The following COL5A2 variants were observed in gnomAD, a reference collection of about 807,000 sequenced individuals.
The protein encoded by COL5A2 is collagen type V alpha 2 chain.
A neutral mutation model predicts 208.2 loss-of-function variants in COL5A2; 23 were observed. The observed-to-expected ratio is 0.11, with a 90% CI of 0.08 to 0.16. COL5A2 has a LOEUF of 0.16. Ranked by LOEUF, COL5A2 falls within the 10% of genes least tolerant of loss-of-function variation. The probability of loss-of-function intolerance (pLI) is 1.00; values close to 1 mark genes in which losing one functional copy is unlikely to be tolerated. For synonymous variants in COL5A2, 625 were observed against 628.5 expected (o/e 0.99, Z 0.08); for missense variants, 1,590 against 1,956.4 (o/e 0.81, Z 3.53).
intron 7 of COL5A2, 127 bp from the exon 8 acceptor site, chr2:189,088,899 C>G (rs1181219831): frequency 2.5e-6 from 2 of 813,834 alleles, no homozygotes; most frequent in East Asian, 2.6e-5. Flanking sequence ...ATTCTAAGTG[C>G]TTGACTTTAA....
the COL5A2 span, among the ~76,000 whole-genome samples, chr2:189,427,658 C>T: frequency 6.6e-6 from 1 of 152,248 alleles, no homozygotes; most frequent in Non-Finnish European, 1.5e-5. Context: ...AGGGACAGAG[C>T]TTCCCAAGGC....
chr2:189,423,783 C>T, the COL5A2 span, among the ~76,000 whole-genome samples: 1 of 152,026 alleles, frequency 6.6e-6, no homozygotes. Flanking sequence ...TTCTACCAAA[C>T]CTTTAAAGGA....
the COL5A2 span, among the ~76,000 whole-genome samples, chr2:189,263,658 T>G: frequency 6.6e-6 from 1 of 152,172 alleles, no homozygotes; most frequent in African/African-American, 2.4e-5. Context: ...ACATGCCCAA[T>G]ACAGGTGTAC....
the COL5A2 span, among the ~76,000 whole-genome samples, chr2:189,277,821 G>A: frequency 1.4e-4 from 22 of 152,216 alleles, no homozygotes; most frequent in African/African-American, 4.8e-4. Flanking sequence ...GGGCAAAACA[G>A]TGATGATCTG....
chr2:189,086,629 A>C (rs1184178244), intron 9 of COL5A2, 97 bp downstream of exon 9: 1 of 954,974 alleles, frequency 1.0e-6, no homozygotes, highest in African/African-American at 1.6e-5. Flanking sequence ...AAAATTTTAA[A>C]ACCAGCCAAA....
intron 18 of COL5A2, among the ~76,000 whole-genome samples, chr2:189,069,323 T>G (rs866083259): frequency 6.6e-6 from 1 of 152,242 alleles, no homozygotes; most frequent in African/African-American, 2.4e-5. Flanking sequence ...TAAGATAGTC[T>G]TAAATATCTT....
At chr2:189,258,881 G>A in the COL5A2 span, among the ~76,000 whole-genome samples, 1 of 152,058 alleles carries the variant, frequency 6.6e-6, no homozygotes, top group African/African-American at 2.4e-5. Flanking sequence ...CAGGCACCCA[G>A]GAGAAACAGG....
intron 31 of COL5A2, among the ~76,000 whole-genome samples, chr2:189,060,457 T>C (rs1686003637): frequency 6.6e-6 from 1 of 152,196 alleles, no homozygotes; most frequent in Non-Finnish European, 1.5e-5. Context: ...CATAACTGTT[T>C]ATATAAAGTG....
chr2:189,052,112 T>C lies in COL5A2; in HGVS notation c.2769+60A>G. Reference sequence around the variant, plus strand: ...AATAAAATAATAAATTTAACTCAAATGTATACGTGTGTGTGTAATTATTTC... The same window carrying C: ...AATAAAATAATAAATTTAACTCAAACGTATACGTGTGTGTGTAATTATTTC... On this transcript the variant is annotated intron_variant, in intron 41 of 53. Transcript: ENST00000374866. The C allele has an allele frequency of 5.2e-6, 7 of 1,338,814 alleles. No individual in the cohort carries two copies. In the South Asian group the frequency reaches 5.2e-5, roughly 10 times the overall value. The allele number at this position is 1,338,814 out of a possible 1,614,324, so 82.9% of individuals were successfully genotyped here.
chr2:189,390,483 A>T, the COL5A2 span, among the ~76,000 whole-genome samples: 7 of 152,228 alleles, frequency 4.6e-5, no homozygotes, highest in African/African-American at 1.7e-4. Context: ...ACAGAAGACA[A>T]GTGAATATCA....
Position 189,128,518 on chromosome 2 carries a change from ATTTTC to A in COL5A2, c.98-18074_98-18070del, listed in dbSNP as rs1576544698. On this transcript the variant is annotated intron_variant, in intron 1 of 53. Coordinates refer to ENST00000374866, the MANE Select transcript of COL5A2 (RefSeq NM_000393.5). Reference sequence around the variant, plus strand: ...TTTTTTCTTTTTAATTTCAGCCTTGATTTTCTTTTAAGTTGGTGCTCCTCAAACCT... The same window carrying A: ...TTTTTTCTTTTTAATTTCAGCCTTGATTTTAAGTTGGTGCTCCTCAAACCT... Among the ~76,000 whole-genome samples, 5 of 151,744 alleles carry A rather than the reference ATTTTC, an allele frequency of 3.3e-5. No individual in the cohort carries two copies. In the East Asian group the frequency reaches 7.7e-4, roughly 23 times the overall value.
At chr2:189,417,439 C>CTT in the COL5A2 span, among the ~76,000 whole-genome samples, 1,171 of 150,246 alleles carry the variant, frequency 7.8e-3, 15 homozygotes, top group African/African-American at 0.026. Context: ...CCTTACTATT[C>CTT]TTTTTTTTTC....
chr2:189,142,093 T>C (rs1687945184), intron 1 of COL5A2, among the ~76,000 whole-genome samples: 1 of 152,128 alleles, frequency 6.6e-6, no homozygotes, highest in Admixed American at 6.5e-5. Flanking sequence ...TAAGTTATCA[T>C]TGGAATGGAT....
chr2:189,303,246 A>C, the COL5A2 span, among the ~76,000 whole-genome samples: 1 of 152,320 alleles, frequency 6.6e-6, no homozygotes, highest in East Asian at 1.9e-4. Flanking sequence ...TCACGCATGC[A>C]TGGAAATCCT....
the COL5A2 span, among the ~76,000 whole-genome samples, chr2:189,253,086 G>T: frequency 6.6e-6 from 1 of 152,224 alleles, no homozygotes; most frequent in African/African-American, 2.4e-5. Flanking sequence ...GAGATGTCTG[G>T]TGGCATGAGA....
chr2:189,064,004 A>T lies in COL5A2; in HGVS notation c.1746T>A (p.Gly582=), dbSNP rs1472834896. ...CCAAAGGTCCAAGTTTTCCTTCAGGACCTTGAACACCAGGATTTCCTGTCA... is the reference window on the plus strand; with the variant it reads ...CCAAAGGTCCAAGTTTTCCTTCAGGTCCTTGAACACCAGGATTTCCTGTCA... ...RGLTGNPGVQ[G]PEGKLGPLGA... The change falls in exon 26 of 54, where the codon GGT becomes GGA. Residue 582 remains glycine (G), a synonymous_variant. Transcript: ENST00000374866. The T allele has an allele frequency of 1.2e-6, 2 of 1,613,368 alleles. No homozygotes were observed. Among genetic ancestry groups the T allele is most frequent in the Non-Finnish European group, 1.7e-6 (2 of 1,179,676 alleles).
chr2:189,339,429 T>C, the COL5A2 span, among the ~76,000 whole-genome samples: 1 of 152,120 alleles, frequency 6.6e-6, no homozygotes, highest in African/African-American at 2.4e-5. Flanking sequence ...AATAGAGATT[T>C]CCAGCTTCAC....
chr2:189,120,425 GT>G (rs1687477439), intron 1 of COL5A2, among the ~76,000 whole-genome samples: 1 of 152,036 alleles, frequency 6.6e-6, no homozygotes, highest in African/African-American at 2.4e-5. Context: ...GTCTAATGCT[GT>G]TTATTTTCAT....
chr2:189,437,296 TA>T, the COL5A2 span, among the ~76,000 whole-genome samples: 1 of 152,174 alleles, frequency 6.6e-6, no homozygotes, highest in Non-Finnish European at 1.5e-5. Context: ...TTTTTTAAAG[TA>T]GTACTTCTCA....
Sources: allele counts gnomAD v4.1 joint callset (sites outside exome capture counted in the v4.1 genomes callset), GRCh38; gene constraint gnomAD v4.1.1; transcripts MANE v1.5; gene names NCBI Gene and HGNC (gene_info 2026-07-23, HGNC 2026-07-21).